Variants in INPP5A observed in about 807,000 individuals in gnomAD.
INPP5A encodes inositol polyphosphate-5-phosphatase A.
In INPP5A, 14 loss-of-function variants were observed where a neutral mutation model predicts 65.2. That is an observed-to-expected ratio of 0.21 (90% CI 0.14 to 0.34). The LOEUF is 0.34. Ranked by LOEUF, INPP5A falls within the 10% of genes least tolerant of loss-of-function variation. The probability of loss-of-function intolerance (pLI) is 1.00; values close to 1 mark genes in which losing one functional copy is unlikely to be tolerated. For synonymous variants in INPP5A, 207 were observed against 208.3 expected (o/e 0.99, Z 0.05); for missense variants, 431 against 545.6 (o/e 0.79, Z 2.09).
At chr10:132,738,986 C>T (rs1846227106) in intron 9 of INPP5A, among the ~76,000 whole-genome samples, 1 of 152,142 alleles carries the variant, frequency 6.6e-6, no homozygotes, top group Non-Finnish European at 1.5e-5. Context: ...ACCAGGAAGA[C>T]CGTTGAGAAG....
At chr10:132,645,705 G>T (rs1022935152) in intron 2 of INPP5A, among the ~76,000 whole-genome samples, 163 bp from the exon 3 acceptor site, 1 of 152,326 alleles carries the variant, frequency 6.6e-6, no homozygotes, top group Admixed American at 6.5e-5. Flanking sequence ...CAAAGGCGAC[G>T]TGACTCCTAG....
chr10:132,642,397 G>A (rs936226457), intron 2 of INPP5A, among the ~76,000 whole-genome samples: 6 of 152,210 alleles, frequency 3.9e-5, no homozygotes, highest in Non-Finnish European at 7.3e-5. Context: ...CTCACTGTGC[G>A]TCTGGCGTTC....
chr10:132,624,276 C>T (rs78237308), intron 2 of INPP5A, among the ~76,000 whole-genome samples: 4 of 152,324 alleles, frequency 2.6e-5, no homozygotes, highest in South Asian at 2.1e-4. Context: ...CACATGGAAG[C>T]GGGGGAGCTG....
chr10:132,753,577 A>G lies in INPP5A; in HGVS notation c.903+3732A>G, dbSNP rs747639305. On this transcript the variant is annotated intron_variant, in intron 11 of 15. Coordinates refer to ENST00000368594, the MANE Select transcript of INPP5A (RefSeq NM_005539.5). The surrounding 1 kb of genome is among the most constrained non-coding windows in gnomAD (Gnocchi z 5.3). Reference sequence around the variant, plus strand: ...TCCCATCGAAATTGTATAATTAATTATAAGTGTAGCTGTCAGGGCTGCAGG... The same window carrying G: ...TCCCATCGAAATTGTATAATTAATTGTAAGTGTAGCTGTCAGGGCTGCAGG... Among the ~76,000 whole-genome samples, 3 of 152,204 alleles carry G rather than the reference A, an allele frequency of 2.0e-5. No homozygotes were observed. Among genetic ancestry groups the G allele is most frequent in the Admixed American group, 6.5e-5 (1 of 15,282 alleles).
intron 12 of INPP5A, 64 bp from the exon 13 acceptor site, chr10:132,777,607 G>C (rs534468939): frequency 2.1e-6 from 3 of 1,450,996 alleles, no homozygotes; most frequent in Admixed American, 3.5e-5. Flanking sequence ...CGGCACAGCC[G>C]TCCCTTTGGG....
At chr10:132,643,124 GAT>G (rs765384641) in intron 2 of INPP5A, among the ~76,000 whole-genome samples, 5 of 152,208 alleles carry the variant, frequency 3.3e-5, no homozygotes, top group African/African-American at 7.2e-5. Flanking sequence ...GACCAATTAA[GAT>G]ATATTGAATA....
chr10:132,579,044 C>T (rs188625876), intron 1 of INPP5A, among the ~76,000 whole-genome samples: 1 of 152,284 alleles, frequency 6.6e-6, no homozygotes, highest in East Asian at 1.9e-4. Flanking sequence ...TATGGTTGAA[C>T]TTGTTGCGGT....
At chr10:132,723,557 GTGTGGGGATTGGCCA>G (rs1845928398) in intron 8 of INPP5A, among the ~76,000 whole-genome samples, 5 of 127,386 alleles carry the variant, frequency 3.9e-5, no homozygotes, top group Admixed American at 7.7e-5. Flanking sequence ...GGGATTGGCC[GTGTGGGGATTGGCCA>G]TGTGGGGATT....
chr10:132,683,329 G>A (rs967411883), intron 4 of INPP5A, among the ~76,000 whole-genome samples: 7 of 151,098 alleles, frequency 4.6e-5, no homozygotes, highest in African/African-American at 1.5e-4. Flanking sequence ...CGTGTCTGCC[G>A]TGACCCAGCA....
rs995196438 is a variant in INPP5A at position 132,575,379 on chromosome 10, C to G, written c.76-32536C>G. Among the ~76,000 whole-genome samples, 2 of 152,192 alleles carry G rather than the reference C, an allele frequency of 1.3e-5. No individual in the cohort carries two copies. The highest frequency in any genetic ancestry group is 4.1e-4 in the South Asian group (2 of 4,838). Reference sequence around the variant, plus strand: ...ATGTGGCTAGCCTGCTCCCAGCCCCCCGCAGCTCACAGGGTCAGGATGGGA... The same window carrying G: ...ATGTGGCTAGCCTGCTCCCAGCCCCGCGCAGCTCACAGGGTCAGGATGGGA... On this transcript the variant is annotated intron_variant, in intron 1 of 15. Transcript: ENST00000368594. The surrounding 1 kb of genome is among the most constrained non-coding windows in gnomAD (Gnocchi z 5.4).
rs1303818583 is a variant in INPP5A at position 132,727,193 on chromosome 10, T to C, written c.732+288T>C. The C allele has an allele frequency of 9.9e-6, 3 of 304,024 alleles. No homozygotes were observed. The highest frequency in any genetic ancestry group is 9.3e-5 in the Admixed American group (2 of 21,462). The allele number at this position is 304,024 out of a possible 1,614,324, so 18.8% of individuals were successfully genotyped here. ...GTCGGCACACAAGGAGCTGCTGGAGTGCCGTCACAGCGCCACCCCCTCGAT... is the reference window on the plus strand; with the variant it reads ...GTCGGCACACAAGGAGCTGCTGGAGCGCCGTCACAGCGCCACCCCCTCGAT... On this transcript the variant is annotated intron_variant, in intron 9 of 15. Transcript: ENST00000368594. The surrounding 1 kb of genome is among the most constrained non-coding windows in gnomAD (Gnocchi z 6.5).
chr10:132,721,177 G>T (rs1845870084), intron 8 of INPP5A, among the ~76,000 whole-genome samples: 1 of 151,290 alleles, frequency 6.6e-6, no homozygotes, highest in South Asian at 2.1e-4. Context: ...TGTCTTCAGG[G>T]TTCTGTGATA....
At chr10:132,583,892 G>C (rs988791811) in intron 1 of INPP5A, among the ~76,000 whole-genome samples, 2 of 152,096 alleles carry the variant, frequency 1.3e-5, no homozygotes, top group Admixed American at 1.3e-4. Flanking sequence ...GACTAGCCTG[G>C]GCAACGTGGT....
At chr10:132,752,446 G>A (rs895887263) in intron 11 of INPP5A, among the ~76,000 whole-genome samples, 1 of 144,790 alleles carries the variant, frequency 6.9e-6, no homozygotes, top group Non-Finnish European at 1.5e-5. Context: ...TGTGGAGGGG[G>A]CTGTGGCGTG....
At chr10:132,684,506 C>T (rs2073091226) in intron 4 of INPP5A, among the ~76,000 whole-genome samples, 1 of 152,178 alleles carries the variant, frequency 6.6e-6, no homozygotes. Flanking sequence ...GCAGGAGTTT[C>T]TCTTGGGTGC....
At chr10:132,623,041 G>A (rs1401812987) in intron 2 of INPP5A, among the ~76,000 whole-genome samples, 3 of 152,208 alleles carry the variant, frequency 2.0e-5, no homozygotes, top group Non-Finnish European at 2.9e-5. Context: ...GGAAGACTCA[G>A]TTACGCTGAC....
intron 2 of INPP5A, among the ~76,000 whole-genome samples, chr10:132,643,310 T>C (rs1469761450): frequency 1.3e-5 from 2 of 152,114 alleles, no homozygotes; most frequent in African/African-American, 4.8e-5. Context: ...GTACAGGAGT[T>C]GAGGCAGTCT....
Position 132,650,927 on chromosome 10 carries a change from G to A in INPP5A, c.306+422G>A, listed in dbSNP as rs1306834159. ...GTCCGTCCCTTCCTGATCCCTGAGT[G>A]TGCAGGGCTGGGGCGGTGTCCTGCC... On this transcript the variant is annotated intron_variant, in intron 4 of 15. Transcript: ENST00000368594. The surrounding 1 kb of genome is among the most constrained non-coding windows in gnomAD (Gnocchi z 5.5). Among the ~76,000 whole-genome samples, 1 of 152,224 alleles carries A rather than the reference G, an allele frequency of 6.6e-6. No homozygotes were observed. Among genetic ancestry groups the A allele is most frequent in the African/African-American group, 2.4e-5 (1 of 41,468 alleles).
intron 4 of INPP5A, among the ~76,000 whole-genome samples, chr10:132,658,164 T>C (rs530954683): frequency 7.9e-5 from 12 of 152,356 alleles, no homozygotes; most frequent in African/African-American, 2.9e-4. Flanking sequence ...ATAAACACCT[T>C]CCGAAGTTTT....
Sources: gnomAD v4.1 joint callset for allele counts (sites outside exome capture counted in the v4.1 genomes callset) on GRCh38, gnomAD v4.1.1 for gene constraint, Gnocchi (gnomAD v3.1) non-coding constraint, MANE v1.5 for transcripts, NCBI Gene and HGNC (gene_info 2026-07-23, HGNC 2026-07-21) for gene names.